The following PAG1 variants were observed in gnomAD, a reference collection of about 807,000 sequenced individuals.
PAG1 encodes phosphoprotein associated with glycosphingolipid-enriched microdomains 1.
Under a neutral mutation model 31.7 loss-of-function variants are expected in PAG1, and 23 were observed. The observed-to-expected ratio is 0.73, with a 90% CI of 0.52 to 1.03. The LOEUF (loss-of-function observed/expected upper bound fraction) is 1.03, where lower values mean the gene tolerates loss of function less well. PAG1 is among the 50% of genes least tolerant of loss of function. The probability of loss-of-function intolerance (pLI) is 0.00; values close to 1 mark genes in which losing one functional copy is unlikely to be tolerated. For missense variants in PAG1, 473 were observed against 540.7 expected (o/e 0.87, Z 1.24); for synonymous variants, 214 against 210.3 (o/e 1.02, Z -0.15).
At chr8:81,017,925 C>G in intron 3 of PAG1, among the ~76,000 whole-genome samples, 1 of 152,158 alleles carries the variant, frequency 6.6e-6, no homozygotes, top group East Asian at 1.9e-4. Context: ...CTCTACTAGT[C>G]AAATAATTAT....
intron 2 of PAG1, among the ~76,000 whole-genome samples, chr8:81,059,501 G>A (rs1010247080): frequency 6.6e-6 from 1 of 152,136 alleles, no homozygotes; most frequent in Non-Finnish European, 1.5e-5. Flanking sequence ...GAAGAAGTAA[G>A]TCAGGGTTTG....
chr8:81,000,423 C>CT (rs1302011339), intron 3 of PAG1, among the ~76,000 whole-genome samples: 4 of 151,178 alleles, frequency 2.6e-5, no homozygotes, highest in South Asian at 4.2e-4. Flanking sequence ...AAGGCAAATC[C>CT]TTTTTTTTTG....
In PAG1 at chr8:80,970,241, T is replaced by C. The variant is rs1807048531; in HGVS notation, c.*6303A>G. 1 of 152,040 alleles carries C rather than the reference T, an allele frequency of 6.6e-6. No individual in the cohort carries two copies. 9.4% of individuals were successfully genotyped at this position (152,040 alleles called of 1,614,324 possible). ...CTCCTGCCTCAGCCTCCTGAGTAGT[T>C]GGGACTACAGGCACATGCCACCATG... On this transcript the variant is annotated 3_prime_UTR_variant, in exon 9 of 9. Transcript: ENST00000220597.
At chr8:81,018,038 A>T (rs1563631065) in intron 3 of PAG1, among the ~76,000 whole-genome samples, 3 of 152,226 alleles carry the variant, frequency 2.0e-5, no homozygotes, top group Non-Finnish European at 4.4e-5. Context: ...ATTTCTTATA[A>T]AGGACAATGA....
chr8:81,085,972 G>GTGTTTTTTTTTTTTTT (rs1809345255), intron 1 of PAG1, among the ~76,000 whole-genome samples: 4 of 58,906 alleles, frequency 6.8e-5, no homozygotes, highest in African/African-American at 2.9e-4. Flanking sequence ...AATCTGGCTT[G>GTGTTTTTTTTTTTTTT]TTTTTTTTTT....
At chr8:81,069,394 T>G (rs1359982901) in intron 2 of PAG1, among the ~76,000 whole-genome samples, 1 of 152,194 alleles carries the variant, frequency 6.6e-6, no homozygotes, top group Admixed American at 6.5e-5. Flanking sequence ...CCATAACACT[T>G]GAGGTTTGTA....
At chr8:81,065,945 C>T (rs1290559316) in intron 2 of PAG1, among the ~76,000 whole-genome samples, 1 of 152,150 alleles carries the variant, frequency 6.6e-6, no homozygotes, top group Non-Finnish European at 1.5e-5. Context: ...AGAGCTGTTA[C>T]ATGTACTATA....
intron 1 of PAG1, among the ~76,000 whole-genome samples, chr8:81,077,932 G>A (rs1395221632): frequency 1.3e-5 from 2 of 152,034 alleles, no homozygotes; most frequent in Non-Finnish European, 2.9e-5. Flanking sequence ...TCAAGGCATG[G>A]TCTTCATAAG....
chr8:81,028,711 A>C (rs1328580874), intron 3 of PAG1, among the ~76,000 whole-genome samples: 2 of 152,244 alleles, frequency 1.3e-5, no homozygotes, highest in African/African-American at 4.8e-5. Flanking sequence ...GCTGCTTAGA[A>C]TTTTGAGATT....
At chr8:81,061,689 C>A (rs1808919253) in intron 2 of PAG1, among the ~76,000 whole-genome samples, 2 of 152,120 alleles carry the variant, frequency 1.3e-5, no homozygotes, top group African/African-American at 4.8e-5. Context: ...CAGATGGGGT[C>A]TTAGCACCTT....
chr8:81,062,961 C>T (rs1808942381), intron 2 of PAG1, among the ~76,000 whole-genome samples: 1 of 151,988 alleles, frequency 6.6e-6, no homozygotes, highest in African/African-American at 2.4e-5. Flanking sequence ...TGCCACACAG[C>T]ATTTTATTTA....
intron 2 of PAG1, among the ~76,000 whole-genome samples, chr8:81,035,521 G>A (rs891793386): frequency 2.0e-5 from 3 of 152,188 alleles, no homozygotes; most frequent in Non-Finnish European, 4.4e-5. Flanking sequence ...CACAGAGAGA[G>A]TATAATTAGT....
rs180988058 is a variant in PAG1 at position 81,016,367 on chromosome 8, T to C, written c.-81+13629A>G. ...GGCTATCAGGTTATTATACCTGCTT[T>C]AAGGGCCTACACTCTTAGTCACTTC... On this transcript the variant is annotated intron_variant, in intron 3 of 8. Coordinates refer to ENST00000220597, the MANE Select transcript of PAG1 (RefSeq NM_018440.4). 2.4e-3 allele frequency among the ~76,000 whole-genome samples: 365 copies of C among 152,284 alleles called. 5 individuals are homozygous for C. Among genetic ancestry groups the C allele is most frequent in the Non-Finnish European group, 5.3e-4 (36 of 68,036 alleles).
rs1254223439 is a variant in PAG1, at chr8:80,990,064, C to G, written c.177+1415G>C. ...CCCACCCTCCCTGCTGAGGCCACCA[C>G]AGCAGCAATCACCAGGCAGAGCAGG... On this transcript the variant is annotated intron_variant, in intron 5 of 8. Transcript: ENST00000220597. This position sits in a 1 kb window ranked among gnomAD's most constrained non-coding sequence, Gnocchi z 5.1. Among the ~76,000 whole-genome samples the G allele has an allele frequency of 6.6e-6, 1 of 151,708 alleles. No individual in the cohort carries two copies. The highest frequency in any genetic ancestry group is 1.5e-5 in the Non-Finnish European group (1 of 67,950).
At chr8:81,011,276 G>A (rs751070978) in intron 3 of PAG1, among the ~76,000 whole-genome samples, 6 of 152,156 alleles carry the variant, frequency 3.9e-5, no homozygotes, top group Non-Finnish European at 7.3e-5. Flanking sequence ...CACATGTTAC[G>A]GGAGAGACCT....
intron 1 of PAG1, among the ~76,000 whole-genome samples, chr8:81,103,995 A>C (rs1809651361): frequency 6.6e-6 from 1 of 152,218 alleles, no homozygotes; most frequent in Non-Finnish European, 1.5e-5. Flanking sequence ...AAGCTTCTTG[A>C]GATCCAGAAA....
intron 3 of PAG1, among the ~76,000 whole-genome samples, chr8:80,997,682 C>A (rs1263620437): frequency 2.6e-5 from 4 of 152,170 alleles, no homozygotes; most frequent in Admixed American, 2.6e-4. Context: ...TTAATTTTGG[C>A]ACCTGAATGC....
At chr8:81,017,913 G>A (rs1264261372) in intron 3 of PAG1, among the ~76,000 whole-genome samples, 1 of 152,192 alleles carries the variant, frequency 6.6e-6, no homozygotes, top group Non-Finnish European at 1.5e-5. Flanking sequence ...TTCCTAGAGT[G>A]CCTCTACTAG....
chr8:80,993,394 T>G (rs904330960), intron 3 of PAG1, 87 bp from the exon 4 acceptor site: 3 of 651,684 alleles, frequency 4.6e-6, no homozygotes, highest in Non-Finnish European at 7.4e-6. Flanking sequence ...GCAAGACCTT[T>G]GCGCAAAGTC....
Sources: allele counts gnomAD v4.1 joint callset (sites outside exome capture counted in the v4.1 genomes callset), GRCh38; gene constraint gnomAD v4.1.1; non-coding constraint Gnocchi (gnomAD v3.1); transcripts MANE v1.5; gene names NCBI Gene and HGNC (gene_info 2026-07-23, HGNC 2026-07-21).